Variants in MRC2 observed in about 807,000 individuals in gnomAD.
MRC2 encodes the protein mannose receptor C-type 2, also known as C-type mannose receptor 2.
In MRC2, 84 loss-of-function variants were observed where a neutral mutation model predicts 206.2. That is an observed-to-expected ratio of 0.41 (90% confidence interval 0.34 to 0.49). The LOEUF is 0.49. MRC2 is among the 20% of genes least tolerant of loss of function. The probability of loss-of-function intolerance (pLI) is 0.31; values close to 1 mark genes in which losing one functional copy is unlikely to be tolerated. For synonymous variants in MRC2, 798 were observed against 800.0 expected (o/e 1.00, Z 0.04); for missense variants, 1,676 against 2,001.5 (o/e 0.84, Z 3.10).
chr17:62,659,923 G>T (rs1238919239), intron 1 of MRC2, among the ~76,000 whole-genome samples: 3 of 152,210 alleles, frequency 2.0e-5, no homozygotes, highest in African/African-American at 7.2e-5. Flanking sequence ...GTGTTCATTT[G>T]TTCCTTCAGT....
Position 62,680,474 on chromosome 17 carries a change from C to A in MRC2, c.2473+21C>A. ...TCAAGGTGAGCACCCCCCAGCCCAT[C>A]CCGCTACCCATCGCGTGGGAGAGGG... On this transcript the variant is annotated intron_variant, in intron 16 of 29. Transcript: ENST00000303375. This position sits in a 1 kb window ranked among gnomAD's most constrained non-coding sequence, Gnocchi z 4.8. 1 of 1,613,828 alleles carries A rather than the reference C, an allele frequency of 6.2e-7. No homozygotes were observed. Among genetic ancestry groups the A allele is most frequent in the Non-Finnish European group, 8.5e-7 (1 of 1,179,910 alleles).
chr17:62,672,336 TACCTCC>T lies in MRC2; in HGVS notation c.1461+198_1461+203del. Among the ~76,000 whole-genome samples, 1 of 152,278 alleles carries T rather than the reference TACCTCC, an allele frequency of 6.6e-6. No individual in the cohort carries two copies. Among genetic ancestry groups the T allele is most frequent in the East Asian group, 1.9e-4 (1 of 5,176 alleles). On this transcript the variant is annotated intron_variant, in intron 8 of 29. Coordinates refer to ENST00000303375, the MANE Select transcript of MRC2 (RefSeq NM_006039.5). The surrounding 1 kb of genome is among the most constrained non-coding windows in gnomAD (Gnocchi z 4.5). The stretch of plus-strand genomic sequence containing the variant: ...TGAGAGACTGCCGGGGCTTGAATCC[TACCTCC>T]ACCTCCACCTCCAAGTAGCCAAGTC...
At chr17:62,679,002 C>T (rs1418687510) in intron 13 of MRC2, among the ~76,000 whole-genome samples, 1 of 152,152 alleles carries the variant, frequency 6.6e-6, no homozygotes, top group Non-Finnish European at 1.5e-5. Flanking sequence ...TTCCCCTCAC[C>T]TTACACCATC....
rs752443014 is a variant in MRC2, at chr17:62,672,186, A to C, written c.1461+34A>C. The stretch of plus-strand genomic sequence containing the variant: ...TCCCTCTCCCTATCACAGGGCCACA[A>C]AATACACCCCCAACCTCCAGGTGCC... On this transcript the variant is annotated intron_variant, in intron 8 of 29. Transcript: ENST00000303375. This position sits in a 1 kb window ranked among gnomAD's most constrained non-coding sequence, Gnocchi z 4.5. 6.2e-7 allele frequency: 1 copy of C among 1,612,630 alleles called. No homozygotes were observed. Among genetic ancestry groups the C allele is most frequent in the East Asian group, 2.2e-5 (1 of 44,842 alleles).
At position 62,680,411 on chromosome 17, in the gene MRC2, C is replaced by G. The variant is rs1568068223; in HGVS notation, c.2438-7C>G. On this transcript the variant is annotated splice_region_variant and splice_polypyrimidine_tract_variant and intron_variant, in intron 15 of 29. Transcript: ENST00000303375. This position sits in a 1 kb window ranked among gnomAD's most constrained non-coding sequence, Gnocchi z 4.8. ...TCCTCACAACGTCTTTGTCCTTGTT[C>G]CCCTAGGTACGGACGTGCGGGAGCC... The G allele has an allele frequency of 1.2e-6, 2 of 1,614,130 alleles. No homozygotes were observed. The highest frequency in any genetic ancestry group is 1.7e-6 in the Non-Finnish European group (2 of 1,179,998).
intron 18 of MRC2, 85 bp downstream of exon 18, chr17:62,681,214 G>A: frequency 2.7e-6 from 4 of 1,480,638 alleles, no homozygotes; most frequent in Non-Finnish European, 3.7e-6. Context: ...TTTGAATCCA[G>A]CCCTGCCCCT....
rs903178390 is a variant in MRC2, at chr17:62,680,634, G to A, written c.2474-166G>A. ...TGTTTGCTTCCGTGTGGGAGGCGAG[G>A]CAAGCCTGGGGCCTGGGGCCTGGCA... On this transcript the variant is annotated intron_variant, in intron 16 of 29. Transcript: ENST00000303375. This position sits in a 1 kb window ranked among gnomAD's most constrained non-coding sequence, Gnocchi z 4.8. 2 of 1,263,458 alleles carry A rather than the reference G, an allele frequency of 1.6e-6. No homozygotes were observed. Among genetic ancestry groups the A allele is most frequent in the Non-Finnish European group, 2.1e-6 (2 of 935,544 alleles). 78.3% of individuals were successfully genotyped at this position (1,263,458 alleles called of 1,614,324 possible). A position where few individuals can be genotyped will look rare whatever the true frequency, so the allele number is the denominator to read the frequency against.
In MRC2 at chr17:62,680,468, GC is replaced by G; in HGVS notation, c.2473+18del. On this transcript the variant is annotated intron_variant, in intron 16 of 29. Transcript: ENST00000303375. The surrounding 1 kb of genome is among the most constrained non-coding windows in gnomAD (Gnocchi z 4.8). ...CAGCCCTCAAGGTGAGCACCCCCCA[GC>G]CCATCCCGCTACCCATCGCGTGGGA... 6.2e-7 allele frequency: 1 copy of G among 1,613,892 alleles called. No homozygotes were observed. Among genetic ancestry groups the G allele is most frequent in the Non-Finnish European group, 8.5e-7 (1 of 1,179,970 alleles).
rs1186601262 is a variant in MRC2, at chr17:62,665,755, A to G, written c.521-339A>G. On this transcript the variant is annotated intron_variant, in intron 2 of 29. Transcript: ENST00000303375. ...AGAACTTTGTGGGGACACAGAGCCC[A>G]TGGGCTGGGTAGCTGAGCAGAGATT... 4.6e-5 allele frequency among the ~76,000 whole-genome samples: 7 copies of G among 152,308 alleles called. No homozygotes were observed. In the East Asian group the frequency reaches 9.7e-4, roughly 21 times the overall value.
In MRC2 at chr17:62,682,223, C is replaced by T; in HGVS notation, c.2804-12C>T. ...CCCTGGGGGTGACTGCCCTCCCCTC[C>T]CCTTTCCGCAGAGGACTGGGGGGAC... On this transcript the variant is annotated splice_polypyrimidine_tract_variant and intron_variant, in intron 19 of 29. Coordinates refer to ENST00000303375, the MANE Select transcript of MRC2 (RefSeq NM_006039.5). The T allele has an allele frequency of 6.4e-7, 1 of 1,566,006 alleles. No homozygotes were observed. Among genetic ancestry groups the T allele is most frequent in the Non-Finnish European group, 8.7e-7 (1 of 1,154,646 alleles).
chr17:62,674,700 G>A (rs1568065214), intron 9 of MRC2, among the ~76,000 whole-genome samples: 1 of 134,770 alleles, frequency 7.4e-6, no homozygotes, highest in African/African-American at 3.5e-5. Flanking sequence ...TAGGGAGGTT[G>A]AGGGGGGGGG....
chr17:62,655,898 C>T (rs1211181148), intron 1 of MRC2, among the ~76,000 whole-genome samples: 2 of 152,104 alleles, frequency 1.3e-5, no homozygotes, highest in East Asian at 3.8e-4. Flanking sequence ...ATTATAAACG[C>T]ATGAGGGCAG....
In MRC2 at chr17:62,666,585, C is replaced by T. The variant is rs2088758096; in HGVS notation, c.825C>T (p.Ser275=). ...SCEQQGADLL[S]ITEIHEQTYI... is the part of the protein sequence containing the mutation. ...AGCAGCAGGGTGCGGATCTGCTGAG[C>T]ATCACGGAGATCCACGAGCAGACCT... The change falls in exon 4 of 30, where the codon AGC becomes AGT. Residue 275 remains serine (S), a synonymous_variant. Coordinates refer to ENST00000303375, the MANE Select transcript of MRC2 (RefSeq NM_006039.5). The surrounding 1 kb of genome is among the most constrained non-coding windows in gnomAD (Gnocchi z 5.0). The T allele has an allele frequency of 1.9e-6, 3 of 1,604,700 alleles. No homozygotes were observed. The highest frequency in any genetic ancestry group is 3.3e-4 in the Middle Eastern group (2 of 6,028).
Position 62,676,472 on chromosome 17 carries a change from CCTT to C in MRC2, c.1781_1783del (p.Phe594del). ...CTGCAGGACCTCAACAGCACCGGCT[CCTT>C]CTTCTGGCTCAGTGGGGATGAAGTC... On this transcript the variant is annotated inframe_deletion, in exon 11 of 30. Coordinates refer to ENST00000303375, the MANE Select transcript of MRC2 (RefSeq NM_006039.5). The C allele has an allele frequency of 2.5e-6, 4 of 1,613,278 alleles. No homozygotes were observed. Among genetic ancestry groups the C allele is most frequent in the South Asian group, 1.1e-5 (1 of 90,954 alleles).
chr17:62,665,216 A>G (rs974559883), intron 2 of MRC2, among the ~76,000 whole-genome samples: 2 of 152,166 alleles, frequency 1.3e-5, no homozygotes, highest in African/African-American at 2.4e-5. Flanking sequence ...CCTGGCCAAC[A>G]TGGAAAAACC....
chr17:62,645,527 A>ATATATT (rs1555675934), intron 1 of MRC2, among the ~76,000 whole-genome samples: 9 of 39,542 alleles, frequency 2.3e-4, no homozygotes, highest in African/African-American at 6.2e-4. Context: ...ATATATATAT[A>ATATATT]TTTTTTTTTT....
rs1170438105 is a variant in MRC2, at chr17:62,652,371, G to T, written c.119-12177G>T. ...GCGTTATGGAGTGGTGGCCGCTGTC[G>T]GCGATGGGGTCCCCGCGAGGGCACA... On this transcript the variant is annotated intron_variant, in intron 1 of 29. Coordinates refer to ENST00000303375, the MANE Select transcript of MRC2 (RefSeq NM_006039.5). The surrounding 1 kb of genome is among the most constrained non-coding windows in gnomAD (Gnocchi z 4.6). Among the ~76,000 whole-genome samples, 2 of 152,240 alleles carry T rather than the reference G, an allele frequency of 1.3e-5. No individual in the cohort carries two copies. Among genetic ancestry groups the T allele is most frequent in the Non-Finnish European group, 2.9e-5 (2 of 68,044 alleles).
rs142673724 is a variant in MRC2, at chr17:62,633,273, C to T, written c.118+5353C>T. Among the ~76,000 whole-genome samples the T allele has an allele frequency of 4.8e-3, 720 of 151,568 alleles. 5 individuals are homozygous for T. The highest frequency in any genetic ancestry group is 0.017 in the African/African-American group (690 of 41,298). On this transcript the variant is annotated intron_variant, in intron 1 of 29. Transcript: ENST00000303375. ...ATCCCAGCACTTTGGGAGGCCGAGGCGGGTGGATCATGAAGTCAGGAGATC... is the reference window on the plus strand; with the variant it reads ...ATCCCAGCACTTTGGGAGGCCGAGGTGGGTGGATCATGAAGTCAGGAGATC...
chr17:62,629,178 T>C (rs1211249668), intron 1 of MRC2, among the ~76,000 whole-genome samples: 1 of 152,190 alleles, frequency 6.6e-6, no homozygotes, highest in East Asian at 1.9e-4. Flanking sequence ...CACAGGCAGT[T>C]CCCCTACCTC....
Sources: allele counts gnomAD v4.1 joint callset (sites outside exome capture counted in the v4.1 genomes callset), GRCh38; gene constraint gnomAD v4.1.1; non-coding constraint Gnocchi (gnomAD v3.1); transcripts MANE v1.5; gene names NCBI Gene and HGNC (gene_info 2026-07-23, HGNC 2026-07-21).